Variants in EIF5A2 observed in about 807,000 individuals in gnomAD.
EIF5A2 encodes eukaryotic translation initiation factor 5A-2.
In EIF5A2, 15 loss-of-function variants were observed where a neutral mutation model predicts 16.4. The observed-to-expected ratio is 0.92, with a 90% confidence interval of 0.61 to 1.41. The LOEUF is 1.41. Ranked by LOEUF, EIF5A2 falls within the 40% of genes most tolerant of loss-of-function variation. EIF5A2 has a pLI of 0.00. For missense variants in EIF5A2, 144 were observed against 189.5 expected (o/e 0.76, Z 1.41); for synonymous variants, 48 against 61.1 (o/e 0.79, Z 1.00).
intron 3 of EIF5A2, among the ~76,000 whole-genome samples, chr3:170,902,201 T>C (rs971989146): frequency 6.6e-6 from 1 of 152,166 alleles, no homozygotes; most frequent in African/African-American, 2.4e-5. Flanking sequence ...AGATGGACAG[T>C]TGCCTATGAC....
At chr3:170,906,699 A>G (rs61792998) in intron 3 of EIF5A2, among the ~76,000 whole-genome samples, 10,076 of 152,296 alleles carry the variant, frequency 0.066, 354 homozygotes, top group African/African-American at 0.075. Context: ...TACTTTTACT[A>G]AACATTGGAC....
chr3:170,903,245 A>G (rs1026147342), intron 3 of EIF5A2, among the ~76,000 whole-genome samples: 1 of 152,182 alleles, frequency 6.6e-6, no homozygotes, highest in African/African-American at 2.4e-5. Context: ...CTGTCATAGT[A>G]TCTCACACTG....
Position 170,889,943 on chromosome 3 carries a change from T to G in EIF5A2, c.*3417A>C, listed in dbSNP as rs1712488967. On this transcript the variant is annotated 3_prime_UTR_variant, in exon 5 of 5. Coordinates refer to ENST00000295822, the MANE Select transcript of EIF5A2 (RefSeq NM_020390.6). ...ATTTTTTTCTTGACTATTTAGCATG[T>G]AGTTTAAGTGTGTTGACATTAAGGA... 1 of 152,558 alleles carries G rather than the reference T, an allele frequency of 6.6e-6. No homozygotes were observed. The highest frequency in any genetic ancestry group is 1.5e-5 in the Non-Finnish European group (1 of 67,962). The allele number at this position is 152,558 out of a possible 1,614,324, so 9.5% of individuals were successfully genotyped here. A position where few individuals can be genotyped will look rare whatever the true frequency, so the allele number is the denominator to read the frequency against.
In EIF5A2 at chr3:170,892,637, T is replaced by A. The variant is rs1415851610; in HGVS notation, c.*723A>T. 7.6e-6 allele frequency: 3 copies of A among 397,250 alleles called. No homozygotes were observed. Among genetic ancestry groups the A allele is most frequent in the Non-Finnish European group, 4.4e-6 (1 of 225,604 alleles). The allele number at this position is 397,250 out of a possible 1,614,324, so 24.6% of individuals were successfully genotyped here. On this transcript the variant is annotated 3_prime_UTR_variant, in exon 5 of 5. Transcript: ENST00000295822. The stretch of plus-strand genomic sequence containing the variant: ...ACTTACAAAGTCCTCACATAAAAAC[T>A]TATAGATTTAATCAACCCTCTTTGC...
chr3:170,903,285 CA>C (rs1199486665), intron 3 of EIF5A2, among the ~76,000 whole-genome samples: 1 of 152,152 alleles, frequency 6.6e-6, no homozygotes, highest in Non-Finnish European at 1.5e-5. Flanking sequence ...ACTAATTTTA[CA>C]GGCAAAGTAA....
chr3:170,907,717 G>A lies in EIF5A2; in HGVS notation c.90C>T (p.Phe30=). The change falls in exon 2 of 5, where the codon TTC becomes TTT. Residue 30 remains phenylalanine, a synonymous_variant. Transcript: ENST00000295822. ...MQCSALRKNG[F]VVLKGRPCKI... The stretch of plus-strand genomic sequence containing the variant: ...TGCATGGTCGTCCTTTGAGCACCAC[G>A]AAGCCGTTTTTGCGCAAGGCCGAGC... 6.2e-7 allele frequency: 1 copy of A among 1,611,104 alleles called. No individual in the cohort carries two copies. The highest frequency in any genetic ancestry group is 8.5e-7 in the Non-Finnish European group (1 of 1,177,624).
rs551319182 is a variant in EIF5A2 at position 170,892,085 on chromosome 3, C to T, written c.*1275G>A. The T allele has an allele frequency of 6.5e-6, 1 of 152,690 alleles. No homozygotes were observed. The highest frequency in any genetic ancestry group is 6.5e-5 in the Admixed American group (1 of 15,292). The allele number at this position is 152,690 out of a possible 1,614,324, so 9.5% of individuals were successfully genotyped here. A position where few individuals can be genotyped will look rare whatever the true frequency, so the allele number is the denominator to read the frequency against. On this transcript the variant is annotated 3_prime_UTR_variant, in exon 5 of 5. Coordinates refer to ENST00000295822, the MANE Select transcript of EIF5A2 (RefSeq NM_020390.6). ...ATTCCAAATCAATTTAAGGAATTCTCAGTTTTTGTTTAATAAATACATTAA... is the reference window on the plus strand; with the variant it reads ...ATTCCAAATCAATTTAAGGAATTCTTAGTTTTTGTTTAATAAATACATTAA...
At chr3:170,906,846 C>A in intron 3 of EIF5A2, 143 bp downstream of exon 3, 1 of 508,644 alleles carries the variant, frequency 2.0e-6, no homozygotes, top group Non-Finnish European at 3.4e-6. Flanking sequence ...ACTATTTCTC[C>A]AATTTCTAAG....
At position 170,907,767 on chromosome 3, in the gene EIF5A2, C is replaced by A; in HGVS notation, c.40G>T (p.Ala14Ser). Residue 14 changes from alanine (A) to serine (S), a missense_variant, in exon 2 of 5, where the codon GCT (alanine) becomes TCT (serine). Ala to Ser is a moderately conservative substitution (Grantham distance 99, BLOSUM62 1). Coordinates refer to ENST00000295822, the MANE Select transcript of EIF5A2 (RefSeq NM_020390.6). ...CACTGCATAGGGTAAGTGCTGGAAG[C>A]CCCGGCATCTCCAGTAGTGAAATCA... ...EIDFTTGDAGASSTYPMQCSA... is the reference protein window; with the variant it reads ...EIDFTTGDAGSSSTYPMQCSA... The A allele has an allele frequency of 6.3e-7, 1 of 1,581,470 alleles. No individual in the cohort carries two copies. The highest frequency in any genetic ancestry group is 8.7e-7 in the Non-Finnish European group (1 of 1,155,304).
rs142262256 is a variant in EIF5A2 at position 170,890,160 on chromosome 3, A to G, written c.*3200T>C. On this transcript the variant is annotated 3_prime_UTR_variant, in exon 5 of 5. Transcript: ENST00000295822. ...CTTAAAGTACAAAAACAAGTTGTGGAAAGTTGTAAATTTAAAAAAAAAAAG... is the reference window on the plus strand; with the variant it reads ...CTTAAAGTACAAAAACAAGTTGTGGGAAGTTGTAAATTTAAAAAAAAAAAG... The G allele has an allele frequency of 1.3e-5, 2 of 152,330 alleles. No individual in the cohort carries two copies. The highest frequency in any genetic ancestry group is 4.8e-5 in the African/African-American group (2 of 41,558). The allele number at this position is 152,330 out of a possible 1,614,324, so 9.4% of individuals were successfully genotyped here.
In EIF5A2 at chr3:170,893,449, T is replaced by C. The variant is rs749805905; in HGVS notation, c.403-30A>G. 4.3e-6 allele frequency: 7 copies of C among 1,610,868 alleles called. No individual in the cohort carries two copies. The South Asian group carries it at 4.4e-5, about 10-fold the overall frequency. On this transcript the variant is annotated intron_variant, in intron 4 of 4. Transcript: ENST00000295822. ...AAGGAAAAAAGCAGGCAAAACGTTA[T>C]TCAGAAGACAATACATATAGAAGAT... is the stretch of plus-strand genomic sequence containing the variant.
intron 3 of EIF5A2, among the ~76,000 whole-genome samples, chr3:170,900,383 A>T (rs1712780675): frequency 2.0e-5 from 3 of 151,838 alleles, no homozygotes; most frequent in Admixed American, 2.0e-4. Flanking sequence ...AAAAAAAAAA[A>T]AAAAAAGAAT....
rs949991519 is a variant in EIF5A2 at position 170,892,678 on chromosome 3, C to G, written c.*682G>C. On this transcript the variant is annotated 3_prime_UTR_variant, in exon 5 of 5. Transcript: ENST00000295822. The stretch of plus-strand genomic sequence containing the variant: ...CCCTCTTTGCCACTGTCTTTTGTGT[C>G]TTCCTTATAATCTTACTTGCTAACT... 5.0e-6 allele frequency: 2 copies of G among 398,034 alleles called. No homozygotes were observed. Among genetic ancestry groups the G allele is most frequent in the African/African-American group, 4.1e-5 (2 of 48,598 alleles). 24.7% of individuals were successfully genotyped at this position (398,034 alleles called of 1,614,324 possible).
chr3:170,903,881 T>C (rs1712870580), intron 3 of EIF5A2, among the ~76,000 whole-genome samples: 1 of 152,260 alleles, frequency 6.6e-6, no homozygotes, highest in Non-Finnish European at 1.5e-5. Flanking sequence ...AATTCACTAA[T>C]AATCCAAAGG....
In EIF5A2 at chr3:170,888,438, T is replaced by C. The variant is rs577449917; in HGVS notation, c.*4922A>G. The C allele has an allele frequency of 3.5e-4, 53 of 152,358 alleles. No homozygotes were observed. Among genetic ancestry groups the C allele is most frequent in the Non-Finnish European group, 6.5e-4 (44 of 68,020 alleles). 9.4% of individuals were successfully genotyped at this position (152,358 alleles called of 1,614,324 possible). A position where few individuals can be genotyped will look rare whatever the true frequency, so the allele number is the denominator to read the frequency against. ...AATAGTGCAAGCTGTTAACTATTTT[T>C]ATTTAATACAACTGATGAAGTTAAC... On this transcript the variant is annotated 3_prime_UTR_variant, in exon 5 of 5. Coordinates refer to ENST00000295822, the MANE Select transcript of EIF5A2 (RefSeq NM_020390.6).
rs1455030572 is a variant in EIF5A2, at chr3:170,891,420, C to T, written c.*1940G>A. The T allele has an allele frequency of 6.6e-6, 1 of 152,614 alleles. No homozygotes were observed. Among genetic ancestry groups the T allele is most frequent in the Non-Finnish European group, 1.5e-5 (1 of 68,020 alleles). 9.5% of individuals were successfully genotyped at this position (152,614 alleles called of 1,614,324 possible). On this transcript the variant is annotated 3_prime_UTR_variant, in exon 5 of 5. Transcript: ENST00000295822. ...GGAAAGACGACTAACTACTACCTCA[C>T]TATTTCTTGTGCTTTAGAAATTTCC... is the stretch of plus-strand genomic sequence containing the variant.
intron 3 of EIF5A2, among the ~76,000 whole-genome samples, chr3:170,903,102 C>T (rs1712854529): frequency 6.6e-6 from 1 of 152,228 alleles, no homozygotes; most frequent in African/African-American, 2.4e-5. Context: ...GGCCACCTGA[C>T]TGTACCCCTT....
At chr3:170,902,429 G>A (rs1034104444) in intron 3 of EIF5A2, among the ~76,000 whole-genome samples, 12 of 122,874 alleles carry the variant, frequency 9.8e-5, no homozygotes, top group East Asian at 2.3e-4. Context: ...TTTTGAGACC[G>A]AGTCTTGCTC....
intron 3 of EIF5A2, among the ~76,000 whole-genome samples, chr3:170,897,640 C>T (rs1264519365): frequency 7.2e-5 from 11 of 152,208 alleles, no homozygotes; most frequent in Non-Finnish European, 1.3e-4. Context: ...GCCTAGATTT[C>T]AGAGGATGTA....
Sources: gnomAD v4.1 joint callset for allele counts (sites outside exome capture counted in the v4.1 genomes callset) on GRCh38, gnomAD v4.1.1 for gene constraint, MANE v1.5 for transcripts, NCBI Gene and HGNC (gene_info 2026-07-23, HGNC 2026-07-21) for gene names.